Variants in RAB10 observed in about 807,000 individuals in gnomAD.
RAB10 encodes the protein ras-related protein Rab-10.
Under a neutral mutation model 25.7 loss-of-function variants are expected in RAB10, and 5 were observed. The observed-to-expected ratio is 0.19, with a 90% CI of 0.10 to 0.41. The LOEUF (loss-of-function observed/expected upper bound fraction) is 0.41, where lower values mean the gene tolerates loss of function less well. Among genes scored for constraint, RAB10 ranks in the 10% least tolerant of loss-of-function variants. RAB10 has a pLI of 1.00. For missense variants in RAB10, 103 were observed against 245.8 expected, an observed-to-expected ratio of 0.42 and a Z score of 3.89; for synonymous variants, 89 against 86.4, an observed-to-expected ratio of 1.03 and a Z score of -0.16.
intron 1 of RAB10, among the ~76,000 whole-genome samples, chr2:26,084,131 A>G (rs907328499): frequency 4.0e-5 from 6 of 151,820 alleles, no homozygotes; most frequent in African/African-American, 1.5e-4. Flanking sequence ...TGCCTGGAAC[A>G]CTCTCCCCAA....
At chr2:26,098,121 T>C (rs1434502971) in intron 1 of RAB10, among the ~76,000 whole-genome samples, 1 of 130,812 alleles carries the variant, frequency 7.6e-6, no homozygotes, top group Admixed American at 7.8e-5. Context: ...TTTTTTTTTT[T>C]TTTTTTTTTT....
At chr2:26,114,420 A>G (rs1488121919) in intron 3 of RAB10, among the ~76,000 whole-genome samples, 1 of 152,220 alleles carries the variant, frequency 6.6e-6, no homozygotes, top group Non-Finnish European at 1.5e-5. Context: ...TAGTATTGAG[A>G]GTCTAAAAAT....
intron 1 of RAB10, among the ~76,000 whole-genome samples, chr2:26,086,169 G>C (rs1365134566): frequency 1.3e-5 from 2 of 151,522 alleles, no homozygotes; most frequent in Non-Finnish European, 2.9e-5. Context: ...ACAAAAAAAA[G>C]TAACTGAGTC....
intron 1 of RAB10, among the ~76,000 whole-genome samples, chr2:26,086,043 G>A (rs1255757664): frequency 7.3e-6 from 1 of 136,140 alleles, no homozygotes; most frequent in African/African-American, 2.8e-5. Context: ...GGCCCGATGC[G>A]GTAGCTCACG....
chr2:26,104,543 T>C (rs550435838), intron 2 of RAB10, among the ~76,000 whole-genome samples: 28 of 152,314 alleles, frequency 1.8e-4, no homozygotes, highest in African/African-American at 6.0e-4. Flanking sequence ...TCTTTTCACC[T>C]TGTATTGTTC....
At chr2:26,099,930 T>C (rs1667308939) in intron 2 of RAB10, among the ~76,000 whole-genome samples, 1 of 152,172 alleles carries the variant, frequency 6.6e-6, no homozygotes, top group Admixed American at 6.5e-5. Flanking sequence ...CCCCGCAGAA[T>C]GACCTAGCTC....
chr2:26,058,605 A>G (rs1435908246), intron 1 of RAB10, among the ~76,000 whole-genome samples: 2 of 151,962 alleles, frequency 1.3e-5, no homozygotes, highest in Non-Finnish European at 2.9e-5. Context: ...TTCAACTCCT[A>G]ACTTAGATTG....
Position 26,132,598 on chromosome 2 carries a change from G to GT in RAB10, c.520-2339dup, listed in dbSNP as rs549820117. Among the ~76,000 whole-genome samples the GT allele has an allele frequency of 4.3e-4, 65 of 152,258 alleles. 2 individuals are homozygous for GT. The South Asian group carries it at 0.013, about 30-fold the overall frequency. On this transcript the variant is annotated intron_variant, in intron 5 of 5. Coordinates refer to ENST00000264710, the MANE Select transcript of RAB10 (RefSeq NM_016131.5). ...TCACTTTTACATTTCCTTTTCTGTA[G>GT]TATTTTTGTTTGTTTATTCCTTTGC...
chr2:26,074,528 C>T (rs1358723906), intron 1 of RAB10, among the ~76,000 whole-genome samples: 1 of 152,182 alleles, frequency 6.6e-6, no homozygotes, highest in Admixed American at 6.5e-5. Flanking sequence ...AAGCAGTTCT[C>T]CTGCCTCAGC....
chr2:26,059,114 A>G (rs1666333209), intron 1 of RAB10, among the ~76,000 whole-genome samples: 1 of 152,230 alleles, frequency 6.6e-6, no homozygotes. Flanking sequence ...AGTTCCTTGT[A>G]TATAGTAGGT....
At chr2:26,113,586 A>G (rs564807383) in intron 3 of RAB10, among the ~76,000 whole-genome samples, 4 of 152,136 alleles carry the variant, frequency 2.6e-5, no homozygotes, top group African/African-American at 4.8e-5. Flanking sequence ...AAAAAAGTCA[A>G]CAAACTAGGA....
chr2:26,035,838 A>C (rs951924942), intron 1 of RAB10, among the ~76,000 whole-genome samples: 3 of 152,178 alleles, frequency 2.0e-5, no homozygotes, highest in African/African-American at 7.2e-5. Flanking sequence ...GCGTAACTGA[A>C]ATATTTGGTT....
chr2:26,113,754 AAAAAAAG>A (rs888561947), intron 3 of RAB10, among the ~76,000 whole-genome samples: 2 of 151,616 alleles, frequency 1.3e-5, no homozygotes, highest in African/African-American at 4.8e-5. Context: ...AAAAAAAAAA[AAAAAAAG>A]AAAGAAAGAA....
chr2:26,056,113 A>G (rs1574530450), intron 1 of RAB10, among the ~76,000 whole-genome samples: 1 of 151,108 alleles, frequency 6.6e-6, no homozygotes, highest in African/African-American at 2.4e-5. Context: ...CTAGTCTCGA[A>G]CTCTTGAACT....
chr2:26,034,737 T>A lies in RAB10; in HGVS notation c.127+2T>A. 1 of 1,614,212 alleles carries A rather than the reference T, an allele frequency of 6.2e-7. No homozygotes were observed. Among genetic ancestry groups the A allele is most frequent in the East Asian group, 2.2e-5 (1 of 44,888 alleles). ...ATACTACCTTTATTTCCACCATAGG[T>A]AAGACCTGTGGGAGGACGGTGTACG... On this transcript the variant is annotated splice_donor_variant, in intron 1 of 5. Transcript: ENST00000264710. LOFTEE classifies it high-confidence loss of function.
intron 1 of RAB10, among the ~76,000 whole-genome samples, chr2:26,097,334 C>T (rs777250928): frequency 1.8e-4 from 28 of 152,232 alleles, no homozygotes; most frequent in Non-Finnish European, 4.1e-4. Context: ...AGTGCAGTGG[C>T]GCGATCTCAG....
chr2:26,108,879 ATATTTATTTATTTATT>A lies in RAB10; in HGVS notation c.189-855_189-840del, dbSNP rs72232011. Among the ~76,000 whole-genome samples the A allele has an allele frequency of 1.1e-3, 155 of 139,630 alleles. 1 individual carries two copies. The highest frequency in any genetic ancestry group is 1.4e-3 in the African/African-American group (52 of 38,002). The allele number at this position is 139,630 out of a possible 152,430, so 91.6% of individuals were successfully genotyped here. On this transcript the variant is annotated intron_variant, in intron 2 of 5. Transcript: ENST00000264710. ...GGTTGAGATTGGGGTCTTTTGCTTTATATTTATTTATTTATTTATTTATTTATTTATTTATTTATTT... is the reference window on the plus strand; with the variant it reads ...GGTTGAGATTGGGGTCTTTTGCTTTATATTTATTTATTTATTTATTTATTT...
intron 1 of RAB10, among the ~76,000 whole-genome samples, chr2:26,048,785 G>C (rs997301697): frequency 3.9e-5 from 6 of 152,186 alleles, no homozygotes; most frequent in African/African-American, 1.4e-4. Context: ...TGAGATGGGA[G>C]GATCAGCTGA....
intron 3 of RAB10, among the ~76,000 whole-genome samples, chr2:26,126,500 G>A (rs1207173860): frequency 6.6e-6 from 1 of 152,182 alleles, no homozygotes; most frequent in African/African-American, 2.4e-5. Flanking sequence ...GGCTAAGGCA[G>A]GAGAATCGCT....
Sources: allele counts gnomAD v4.1 joint callset (sites outside exome capture counted in the v4.1 genomes callset), GRCh38; gene constraint gnomAD v4.1.1; transcripts MANE v1.5; gene names NCBI Gene and HGNC (gene_info 2026-07-23, HGNC 2026-07-21).